Variants in PCDHGA5 observed in about 807,000 individuals in gnomAD.
PCDHGA5 encodes protocadherin gamma subfamily A, 5, also known as protocadherin gamma-A5.
A neutral mutation model predicts 56.7 loss-of-function variants in PCDHGA5; 36 were observed. The ratio of observed to expected loss-of-function variants is 0.64; its 90% CI spans 0.49 to 0.84. The LOEUF (loss-of-function observed/expected upper bound fraction) is 0.84. PCDHGA5 is among the 40% of genes least tolerant of loss of function. The pLI, the probability that PCDHGA5 is intolerant of heterozygous loss-of-function variation, is 0.00. For synonymous variants in PCDHGA5, 563 were observed against 520.2 expected, an observed-to-expected ratio of 1.08 and a Z score of -1.12; for missense variants, 1,305 against 1,201.5, an observed-to-expected ratio of 1.09 and a Z score of -1.27.
rs558504351 is a variant in PCDHGA5, at chr5:141,374,628, T to A, written c.2421+7877T>A. The A allele has an allele frequency of 2.5e-6, 4 of 1,613,272 alleles. No individual in the cohort carries two copies. The South Asian group carries it at 3.3e-5, about 13-fold the overall frequency. On this transcript the variant is annotated intron_variant, in intron 1 of 3. Coordinates refer to ENST00000518069, the MANE Select transcript of PCDHGA5 (RefSeq NM_018918.3). ...GGTAATAGTCACTTCTCAGTGGACG[T>A]GCAAAGCGAAGCCCATGGGCCCAAG...
intron 1 of PCDHGA5, among the ~76,000 whole-genome samples, chr5:141,451,579 A>T (rs1222576609): frequency 6.6e-6 from 1 of 152,084 alleles, no homozygotes; most frequent in African/African-American, 2.4e-5. Flanking sequence ...TTATAAACCT[A>T]ATTTTGAAAG....
chr5:141,471,042 C>G (rs2099247416), intron 1 of PCDHGA5, among the ~76,000 whole-genome samples: 1 of 139,088 alleles, frequency 7.2e-6, no homozygotes, highest in South Asian at 2.3e-4. Flanking sequence ...CAAGCCCAAG[C>G]CCTCTTTTTT....
At chr5:141,497,713 T>C (rs1357797720) in intron 2 of PCDHGA5, among the ~76,000 whole-genome samples, 3 of 152,084 alleles carry the variant, frequency 2.0e-5, no homozygotes, top group Non-Finnish European at 1.5e-5. Context: ...CTCATTTTTG[T>C]ATTTTTAGTA....
In PCDHGA5 at chr5:141,491,081, C is replaced by T; in HGVS notation, c.2422-3726C>T. The T allele has an allele frequency of 6.2e-7, 1 of 1,614,176 alleles. No individual in the cohort carries two copies. The highest frequency in any genetic ancestry group is 8.5e-7 in the Non-Finnish European group (1 of 1,180,010). On this transcript the variant is annotated intron_variant, in intron 1 of 3. Coordinates refer to ENST00000518069, the MANE Select transcript of PCDHGA5 (RefSeq NM_018918.3). The surrounding 1 kb of genome is among the most constrained non-coding windows in gnomAD (Gnocchi z 6.9). Reference sequence around the variant, plus strand: ...TCCTACTCACTGTTGCCACAGTCCACAGCCCCAGGACTGTTCCTCGTGTCT... The same window carrying T: ...TCCTACTCACTGTTGCCACAGTCCATAGCCCCAGGACTGTTCCTCGTGTCT...
intron 1 of PCDHGA5, among the ~76,000 whole-genome samples, chr5:141,406,034 A>T (rs1438349168): frequency 6.7e-6 from 1 of 149,160 alleles, no homozygotes; most frequent in Non-Finnish European, 1.5e-5. Flanking sequence ...GGGTTGCTTC[A>T]TTGGTTGCAG....
At chr5:141,375,150 T>C in intron 1 of PCDHGA5, 3 of 1,613,946 alleles carry the variant, frequency 1.9e-6, no homozygotes, top group Non-Finnish European at 2.5e-6. Flanking sequence ...AGCAGAACAA[T>C]TGCTGAAAGT....
rs1345498022 is a variant in PCDHGA5 at position 141,493,312 on chromosome 5, A to G, written c.2422-1495A>G. On this transcript the variant is annotated intron_variant, in intron 1 of 3. Coordinates refer to ENST00000518069, the MANE Select transcript of PCDHGA5 (RefSeq NM_018918.3). This position sits in a 1 kb window ranked among gnomAD's most constrained non-coding sequence, Gnocchi z 4.3. ...CTCAAGTTCACAGAGCAAGTAAGAG[A>G]GATTCTAACCCCTGTCTAACTCCAG... 6.6e-6 allele frequency among the ~76,000 whole-genome samples: 1 copy of G among 152,174 alleles called. No individual in the cohort carries two copies. Among genetic ancestry groups the G allele is most frequent in the Non-Finnish European group, 1.5e-5 (1 of 68,028 alleles).
intron 1 of PCDHGA5, chr5:141,419,146 GCCT>G: frequency 6.2e-7 from 1 of 1,613,922 alleles, no homozygotes; most frequent in East Asian, 2.2e-5. Context: ...ACAGGGGCAA[GCCT>G]CCGTTATCCT....
intron 1 of PCDHGA5, chr5:141,391,637 G>T (rs2092401462): frequency 1.3e-5 from 2 of 152,192 alleles, no homozygotes; most frequent in Admixed American, 6.5e-5. Flanking sequence ...TTTAGTCAGT[G>T]AAAAAACTAT....
chr5:141,413,337 G>A, intron 1 of PCDHGA5: 1 of 1,613,978 alleles, frequency 6.2e-7, no homozygotes, highest in Non-Finnish European at 8.5e-7. Flanking sequence ...ACATCTCCAA[G>A]GACTTGGGTC....
chr5:141,388,626 A>C, intron 1 of PCDHGA5: 1 of 1,613,974 alleles, frequency 6.2e-7, no homozygotes, highest in Non-Finnish European at 8.5e-7. Flanking sequence ...AGACGTATAC[A>C]GGGTGAGCCT....
rs966291038 is a variant in PCDHGA5, at chr5:141,487,740, G to A, written c.2422-7067G>A. 4 of 1,562,290 alleles carry A rather than the reference G, an allele frequency of 2.6e-6. No individual in the cohort carries two copies. The highest frequency in any genetic ancestry group is 1.7e-6 in the Non-Finnish European group (2 of 1,151,972). On this transcript the variant is annotated intron_variant, in intron 1 of 3. Transcript: ENST00000518069. The surrounding 1 kb of genome is among the most constrained non-coding windows in gnomAD (Gnocchi z 5.0). ...CATAGTGATGTCACCATTTTTGTAAGAGGTAACTATGTGGTAGACGCTGTG... is the reference window on the plus strand; with the variant it reads ...CATAGTGATGTCACCATTTTTGTAAAAGGTAACTATGTGGTAGACGCTGTG...
intron 1 of PCDHGA5, chr5:141,422,641 A>G (rs557969590): frequency 1.2e-6 from 2 of 1,612,356 alleles, no homozygotes; most frequent in Admixed American, 1.7e-5. Context: ...GGGTGCCTCC[A>G]TCTTCTCAGT....
intron 1 of PCDHGA5, chr5:141,370,952 G>A (rs771842532): frequency 6.2e-7 from 1 of 1,613,990 alleles, no homozygotes; most frequent in East Asian, 2.2e-5. Context: ...AGGAGAACCT[G>A]GATGGCAGTA....
At chr5:141,496,888 T>TAA (rs35063790) in intron 2 of PCDHGA5, among the ~76,000 whole-genome samples, 141 of 134,106 alleles carry the variant, frequency 1.1e-3, no homozygotes, top group East Asian at 2.4e-3. Context: ...AAGTAACACT[T>TAA]AAAAAAAAAA....
intron 1 of PCDHGA5, chr5:141,414,983 G>C: frequency 6.2e-7 from 1 of 1,613,716 alleles, no homozygotes; most frequent in Non-Finnish European, 8.5e-7. Context: ...AGAGACTCCG[G>C]CCAGAACGCC....
At chr5:141,494,514 G>T (rs1457018569) in intron 1 of PCDHGA5, among the ~76,000 whole-genome samples, 2 of 152,160 alleles carry the variant, frequency 1.3e-5, no homozygotes, top group South Asian at 2.1e-4. Context: ...TTTTGGCTCA[G>T]GAGTTCTGAC....
chr5:141,507,661 C>T (rs1328943034), intron 3 of PCDHGA5, among the ~76,000 whole-genome samples: 1 of 152,236 alleles, frequency 6.6e-6, no homozygotes, highest in Non-Finnish European at 1.5e-5. Context: ...GCTTTTTAGC[C>T]TAAATCCAGA....
At chr5:141,430,689 T>A in intron 1 of PCDHGA5, 1 of 1,408,998 alleles carries the variant, frequency 7.1e-7, no homozygotes, top group Non-Finnish European at 9.4e-7. Flanking sequence ...TCCCATTCTA[T>A]GGGCGAAGGA....
Sources: allele counts gnomAD v4.1 joint callset (sites outside exome capture counted in the v4.1 genomes callset), GRCh38; gene constraint gnomAD v4.1.1; non-coding constraint Gnocchi (gnomAD v3.1); transcripts MANE v1.5; gene names NCBI Gene and HGNC (gene_info 2026-07-23, HGNC 2026-07-21).